KCNQ3: variants seen among roughly 807,000 people sequenced by gnomAD.
The protein encoded by KCNQ3 is potassium voltage-gated channel subfamily KQT member 3.
KCNQ3 carries 30 observed loss-of-function variants against 92.5 expected under a neutral mutation model. The observed-to-expected ratio is 0.32, with a 90% CI of 0.24 to 0.44. The LOEUF (loss-of-function observed/expected upper bound fraction) is 0.44. KCNQ3 is among the 20% of genes least tolerant of loss of function. KCNQ3 has a pLI of 1.00. For missense variants in KCNQ3, 913 were observed against 1,140.3 expected (o/e 0.80, Z 2.87); for synonymous variants, 450 against 468.8 (o/e 0.96, Z 0.52).
At chr8:132,283,991 C>T (rs1385852814) in intron 1 of KCNQ3, among the ~76,000 whole-genome samples, 4 of 152,152 alleles carry the variant, frequency 2.6e-5, no homozygotes, top group Admixed American at 2.0e-4. Flanking sequence ...AGATGGAACT[C>T]CTGTCTTTAG....
chr8:132,182,713 A>G (rs1212484747), intron 3 of KCNQ3, among the ~76,000 whole-genome samples: 1 of 152,236 alleles, frequency 6.6e-6, no homozygotes, highest in East Asian at 1.9e-4. Flanking sequence ...TGGATAGGTC[A>G]TGCAAAGAAG....
intron 1 of KCNQ3, among the ~76,000 whole-genome samples, chr8:132,242,825 A>G (rs1815039158): frequency 1.3e-5 from 2 of 152,202 alleles, no homozygotes; most frequent in Non-Finnish European, 1.5e-5. Context: ...GTTTATGTTC[A>G]TTTATAGGCA....
chr8:132,306,202 CCTT>C (rs535415802), intron 1 of KCNQ3, among the ~76,000 whole-genome samples: 6 of 152,168 alleles, frequency 3.9e-5, no homozygotes, highest in Non-Finnish European at 7.3e-5. Flanking sequence ...ATGGTTCTCT[CCTT>C]CTCTCAAATG....
intron 1 of KCNQ3, among the ~76,000 whole-genome samples, chr8:132,422,391 C>G (rs1347984836): frequency 6.6e-6 from 1 of 152,164 alleles, no homozygotes; most frequent in Non-Finnish European, 1.5e-5. Flanking sequence ...TAAGACTCAG[C>G]AGAGCCGCCA....
chr8:132,469,163 T>C (rs926517323), intron 1 of KCNQ3, among the ~76,000 whole-genome samples: 7 of 152,206 alleles, frequency 4.6e-5, no homozygotes, highest in Non-Finnish European at 5.9e-5. Flanking sequence ...AACATCCCTA[T>C]AGACACAGGT....
intron 1 of KCNQ3, among the ~76,000 whole-genome samples, chr8:132,243,218 AC>A (rs1229049671): frequency 6.6e-6 from 1 of 152,266 alleles, no homozygotes; most frequent in Non-Finnish European, 1.5e-5. Flanking sequence ...CTGGAGGCTT[AC>A]AAAGGTTCAA....
chr8:132,172,722 C>T (rs1281188692), intron 6 of KCNQ3, 29 bp from the exon 7 acceptor site: 7 of 1,534,896 alleles, frequency 4.6e-6, no homozygotes, highest in Non-Finnish European at 6.3e-6. Flanking sequence ...AGGCAGTCAG[C>T]CCCCAGCTAG....
intron 1 of KCNQ3, among the ~76,000 whole-genome samples, chr8:132,421,676 AG>A (rs1469442404): frequency 6.6e-6 from 1 of 152,194 alleles, no homozygotes; most frequent in Non-Finnish European, 1.5e-5. Flanking sequence ...TGTGTTCCAA[AG>A]GAAAATGAGG....
At chr8:132,394,555 C>T (rs796694904) in intron 1 of KCNQ3, among the ~76,000 whole-genome samples, 7 of 152,250 alleles carry the variant, frequency 4.6e-5, no homozygotes, top group African/African-American at 1.7e-4. Context: ...ATCCTGATCA[C>T]CCTTGAAGGA....
rs867066299 is a variant in KCNQ3 at position 132,480,229 on chromosome 8, C to T, written c.304G>A (p.Ala102Thr). The change falls in exon 1 of 15, where the codon GCC becomes ACC. Residue 102 changes from alanine (A) to threonine (T), a missense_variant. By Grantham distance (58) the Ala-to-Thr change is moderately conservative (BLOSUM62 0). Coordinates refer to ENST00000388996, the MANE Select transcript of KCNQ3 (RefSeq NM_004519.4). Reference sequence around the variant, plus strand: ...AAAGTTTGGATGCGCCGGTACTTGGCGTTGTTTCTCTTGACTGGGCGGCTC... The same window carrying T: ...AAAGTTTGGATGCGCCGGTACTTGGTGTTGTTTCTCTTGACTGGGCGGCTC... ...PLSRPVKRNN[A>T]KYRRIQTLIY... The T allele has an allele frequency of 2.5e-6, 4 of 1,613,356 alleles. No individual in the cohort carries two copies. The highest frequency in any genetic ancestry group is 3.4e-6 in the Non-Finnish European group (4 of 1,179,564).
chr8:132,172,561 C>A (rs2130120921), intron 7 of KCNQ3, 37 bp downstream of exon 7: 1 of 1,562,026 alleles, frequency 6.4e-7, no homozygotes, highest in East Asian at 2.2e-5. Flanking sequence ...ATGCATGGAT[C>A]TTAATCCCAT....
chr8:132,438,194 T>C (rs575717051), intron 1 of KCNQ3, among the ~76,000 whole-genome samples: 2 of 152,350 alleles, frequency 1.3e-5, no homozygotes, highest in South Asian at 4.1e-4. Flanking sequence ...TTATGAGAAA[T>C]ACATTCAGGA....
At chr8:132,344,325 C>T (rs1255135443) in intron 1 of KCNQ3, among the ~76,000 whole-genome samples, 2 of 152,310 alleles carry the variant, frequency 1.3e-5, no homozygotes, top group African/African-American at 4.8e-5. Flanking sequence ...AAAGACATTG[C>T]CAAATCTAAA....
intron 1 of KCNQ3, among the ~76,000 whole-genome samples, chr8:132,356,464 G>C (rs1187220395): frequency 6.6e-6 from 1 of 152,170 alleles, no homozygotes; most frequent in South Asian, 2.1e-4. Flanking sequence ...TATGAGAGCT[G>C]TCAGGTAGAC....
chr8:132,164,041 A>G (rs1203979234), intron 8 of KCNQ3, among the ~76,000 whole-genome samples: 3 of 152,172 alleles, frequency 2.0e-5, no homozygotes. Flanking sequence ...CAAAGTCAGG[A>G]TCCAAACCCA....
At chr8:132,181,043 G>C (rs1217463525) in intron 3 of KCNQ3, among the ~76,000 whole-genome samples, 1 of 152,094 alleles carries the variant, frequency 6.6e-6, no homozygotes, top group African/African-American at 2.4e-5. Flanking sequence ...CCCTAAGCTT[G>C]AGAGAAGGCC....
chr8:132,140,589 T>C, intron 10 of KCNQ3: 1 of 239,778 alleles, frequency 4.2e-6, no homozygotes, highest in East Asian at 1.0e-4. Context: ...AGTCACTTTC[T>C]GAGCCGCACA....
At chr8:132,322,086 A>G (rs1420758454) in intron 1 of KCNQ3, among the ~76,000 whole-genome samples, 2 of 152,154 alleles carry the variant, frequency 1.3e-5, no homozygotes, top group Admixed American at 1.3e-4. Context: ...AGGGGCGGAG[A>G]GAGATAAGAC....
At chr8:132,367,249 C>G (rs184722258) in intron 1 of KCNQ3, among the ~76,000 whole-genome samples, 84 of 151,376 alleles carry the variant, frequency 5.5e-4, no homozygotes, top group African/African-American at 1.9e-3. Flanking sequence ...TTTCCCACAT[C>G]AGTATTTTTT....
Sources: gnomAD v4.1 joint callset for allele counts (sites outside exome capture counted in the v4.1 genomes callset) on GRCh38, gnomAD v4.1.1 for gene constraint, MANE v1.5 for transcripts, NCBI Gene and HGNC (gene_info 2026-07-23, HGNC 2026-07-21) for gene names.